PCDH15: variants seen among roughly 807,000 people sequenced by gnomAD.
The protein encoded by PCDH15 is protocadherin-15.
Under a neutral mutation model 178.5 loss-of-function variants are expected in PCDH15, and 129 were observed. The observed-to-expected ratio is 0.72, with a 90% CI of 0.63 to 0.84. PCDH15 has a LOEUF of 0.84. Among genes scored for constraint, PCDH15 ranks in the 40% least tolerant of loss-of-function variants. The pLI, the probability that PCDH15 is intolerant of heterozygous loss-of-function variation, is 0.00. For synonymous variants in PCDH15, 800 were observed against 732.0 expected, an observed-to-expected ratio of 1.09 and a Z score of -1.50; for missense variants, 2,230 against 2,099.9, an observed-to-expected ratio of 1.06 and a Z score of -1.21.
intron 3 of PCDH15, among the ~76,000 whole-genome samples, chr10:54,808,171 C>G (rs915274656): frequency 1.3e-5 from 2 of 152,100 alleles, no homozygotes; most frequent in Non-Finnish European, 2.9e-5. Context: ...ATACTGGTTT[C>G]TCTTTAACTC....
chr10:55,598,523 T>C (rs1842984904), intron 2 of PCDH15, among the ~76,000 whole-genome samples: 1 of 20,334 alleles, frequency 4.9e-5, no homozygotes, highest in Non-Finnish European at 8.0e-5. Flanking sequence ...AATATATATA[T>C]ATATATATAT....
At chr10:55,170,316 T>G (rs1476574083) in intron 1 of PCDH15, among the ~76,000 whole-genome samples, 1 of 151,642 alleles carries the variant, frequency 6.6e-6, no homozygotes. Context: ...TATTGGCTAT[T>G]TAAAAAAAAA....
At chr10:55,222,730 C>CACACACACACACACACACACACATAT in intron 1 of PCDH15, among the ~76,000 whole-genome samples, 1 of 121,264 alleles carries the variant, frequency 8.2e-6, no homozygotes, top group African/African-American at 3.4e-5. Flanking sequence ...CACACACACA[C>CACACACACACACACACACACACATAT]ATATATATAT....
intron 13 of PCDH15, among the ~76,000 whole-genome samples, chr10:54,154,279 G>T (rs2044859748): frequency 6.6e-6 from 1 of 152,002 alleles, no homozygotes; most frequent in African/African-American, 2.4e-5. Context: ...CATACAAAAA[G>T]TGAAGAATGA....
At chr10:55,593,697 C>T (rs1364719459) in intron 2 of PCDH15, among the ~76,000 whole-genome samples, 2 of 151,530 alleles carry the variant, frequency 1.3e-5, no homozygotes, top group Non-Finnish European at 3.0e-5. Context: ...ATTGAAAGAG[C>T]CATTTTCAAA....
In PCDH15 at chr10:55,027,952, A is replaced by G. The variant is rs561103497; in HGVS notation, c.-79-130452T>C. Reference sequence around the variant, plus strand: ...GGAGGAAAAATAGAATGTTACTTTGATATTTCAGCATCATAATAAGTATTA... The same window carrying G: ...GGAGGAAAAATAGAATGTTACTTTGGTATTTCAGCATCATAATAAGTATTA... On this transcript the variant is annotated intron_variant, in intron 2 of 5. Coordinates refer to the PCDH15 transcript ENST00000458638. 4.2e-4 allele frequency among the ~76,000 whole-genome samples: 64 copies of G among 152,002 alleles called. No homozygotes were observed. In the South Asian group the frequency reaches 0.012, roughly 30 times the overall value.
intron 2 of PCDH15, among the ~76,000 whole-genome samples, chr10:54,638,961 T>A (rs1361112177): frequency 6.6e-6 from 1 of 152,136 alleles, no homozygotes; most frequent in Non-Finnish European, 1.5e-5. Context: ...TACTTCAAGT[T>A]CTCACTTGTA....
At chr10:54,421,840 ACACACAC>A (rs569338018) in intron 3 of PCDH15, among the ~76,000 whole-genome samples, 3,804 of 71,408 alleles carry the variant, frequency 0.053, 140 homozygotes, top group South Asian at 0.064. Context: ...ATATATATAC[ACACACAC>A]TATATATATA....
At chr10:53,906,775 G>A (rs1276350594) in intron 25 of PCDH15, 1 of 147,924 alleles carries the variant, frequency 6.8e-6, no homozygotes, top group African/African-American at 2.5e-5. Flanking sequence ...CTTCTTTTAT[G>A]TTATTTTACC....
chr10:53,867,611 T>C (rs1370844861), intron 26 of PCDH15, among the ~76,000 whole-genome samples: 1 of 152,132 alleles, frequency 6.6e-6, no homozygotes, highest in Non-Finnish European at 1.5e-5. Flanking sequence ...TGAGTTCAAC[T>C]GTGTGTGCTG....
intron 3 of PCDH15, among the ~76,000 whole-genome samples, chr10:54,829,766 T>C (rs906597220): frequency 2.0e-5 from 3 of 152,132 alleles, no homozygotes; most frequent in Non-Finnish European, 4.4e-5. Flanking sequence ...ATTCCTGTTG[T>C]TTTCATGTCA....
At chr10:54,587,552 C>T (rs1362710954) in intron 2 of PCDH15, among the ~76,000 whole-genome samples, 1 of 151,136 alleles carries the variant, frequency 6.6e-6, no homozygotes, top group Non-Finnish European at 1.5e-5. Flanking sequence ...AAAAGACTTA[C>T]ATTAAAGGAA....
At chr10:55,492,917 C>A (rs1177546758) in intron 2 of PCDH15, among the ~76,000 whole-genome samples, 1 of 151,542 alleles carries the variant, frequency 6.6e-6, no homozygotes, top group Non-Finnish European at 1.5e-5. Context: ...AAATATACAG[C>A]AACTAAATGA....
intron 25 of PCDH15, among the ~76,000 whole-genome samples, chr10:53,915,668 T>C (rs1219705230): frequency 6.6e-6 from 1 of 152,164 alleles, no homozygotes; most frequent in Non-Finnish European, 1.5e-5. Flanking sequence ...CAAGCAATTC[T>C]CCTGCCTCAG....
intron 3 of PCDH15, among the ~76,000 whole-genome samples, chr10:54,463,843 A>G (rs929580440): frequency 6.6e-6 from 1 of 152,168 alleles, no homozygotes. Context: ...TACGAGCGAC[A>G]TTTGAACTCC....
chr10:54,001,601 C>A (rs904029628), intron 20 of PCDH15, among the ~76,000 whole-genome samples: 2 of 151,632 alleles, frequency 1.3e-5, no homozygotes, highest in East Asian at 3.9e-4. Flanking sequence ...TCAACAAAAT[C>A]AAAGCACCAG....
chr10:54,814,424 T>C lies in PCDH15; in HGVS notation c.-29+83026A>G, dbSNP rs867433469. 4.6e-5 allele frequency among the ~76,000 whole-genome samples: 7 copies of C among 152,286 alleles called. No homozygotes were observed. The South Asian group carries it at 1.0e-3, about 23-fold the overall frequency. ...ACAGGTAAAAATTAATAAAAAAGTATGGCAAAAATATTTGTGTATGATTTC... is the reference window on the plus strand; with the variant it reads ...ACAGGTAAAAATTAATAAAAAAGTACGGCAAAAATATTTGTGTATGATTTC... On this transcript the variant is annotated intron_variant, in intron 3 of 5. Transcript: ENST00000458638.
chr10:55,355,036 TAG>T (rs1845041192), intron 2 of PCDH15, among the ~76,000 whole-genome samples: 1 of 152,060 alleles, frequency 6.6e-6, no homozygotes, highest in Non-Finnish European at 1.5e-5. Flanking sequence ...TTATTTCATT[TAG>T]GAGAATGCCT....
At chr10:54,631,437 AAT>A (rs1324559077) in intron 2 of PCDH15, among the ~76,000 whole-genome samples, 40 of 152,238 alleles carry the variant, frequency 2.6e-4, no homozygotes, top group African/African-American at 7.0e-4. Context: ...GAGAAAAGGG[AAT>A]GGTTATACAC....
Sources: gnomAD v4.1 joint callset for allele counts (sites outside exome capture counted in the v4.1 genomes callset) on GRCh38, gnomAD v4.1.1 for gene constraint, MANE v1.5 for transcripts, NCBI Gene and HGNC (gene_info 2026-07-23, HGNC 2026-07-21) for gene names.